Variants in METTL14 observed in about 807,000 individuals in gnomAD.
METTL14 encodes methyltransferase 14, N6-adenosine-methyltransferase non-catalytic subunit, also known as N(6)-adenosine-methyltransferase non-catalytic subunit METTL14.
METTL14 carries 32 observed loss-of-function variants against 62.4 expected under a neutral mutation model. The ratio of observed to expected loss-of-function variants is 0.51; its 90% confidence interval spans 0.39 to 0.69. The LOEUF (loss-of-function observed/expected upper bound fraction) is 0.69. METTL14 is among the 30% of genes least tolerant of loss of function. The pLI, the probability that METTL14 is intolerant of heterozygous loss-of-function variation, is 0.00. For synonymous variants in METTL14, 150 were observed against 180.0 expected, an observed-to-expected ratio of 0.83 and a Z score of 1.34; for missense variants, 340 against 551.9, an observed-to-expected ratio of 0.62 and a Z score of 3.85.
At chr4:118,688,069 T>G in intron 2 of METTL14, 58 bp downstream of exon 2, 1 of 1,307,142 alleles carries the variant, frequency 7.7e-7, no homozygotes, top group Middle Eastern at 2.0e-4. Flanking sequence ...CTCTGTTGCT[T>G]AGGCTGGATA....
Position 118,713,308 on chromosome 4 carries a change from G to C in METTL14, c.*3006G>C, listed in dbSNP as rs1463682001. The C allele has an allele frequency of 1.3e-5, 2 of 152,166 alleles. No individual in the cohort carries two copies. The highest frequency in any genetic ancestry group is 4.8e-5 in the African/African-American group (2 of 41,440). 9.4% of individuals were successfully genotyped at this position (152,166 alleles called of 1,614,324 possible). A position where few individuals can be genotyped will look rare whatever the true frequency, so the allele number is the denominator to read the frequency against. On this transcript the variant is annotated 3_prime_UTR_variant, in exon 11 of 11. Coordinates refer to ENST00000388822, the MANE Select transcript of METTL14 (RefSeq NM_020961.4). ...ATGGGATACTTGGGAGCTATATTGT[G>C]CATCAGGGTGTCACAGCTGCTACTA... is the stretch of plus-strand genomic sequence containing the variant.
chr4:118,690,035 CTTT>C (rs70941200), intron 3 of METTL14, among the ~76,000 whole-genome samples: 4 of 86,650 alleles, frequency 4.6e-5, no homozygotes, highest in African/African-American at 1.3e-4. Flanking sequence ...TAATAATATT[CTTT>C]TTTTTTTTTT....
chr4:118,692,068 G>A lies in METTL14; in HGVS notation c.412G>A (p.Gly138Ser). The A allele has an allele frequency of 6.3e-7, 1 of 1,592,016 alleles. No individual in the cohort carries two copies. Reference sequence around the variant, plus strand: ...ACCTCAGAATTTCATCAGGGATGTAGGTATGTCAGGTTTGTTTGGACTACG... The same window carrying A: ...ACCTCAGAATTTCATCAGGGATGTAAGTATGTCAGGTTTGTTTGGACTACG... ...HRPQNFIRDV[G>S]LADRFEEYPK... is the part of the protein sequence containing the mutation. Residue 138 changes from glycine (G) to serine (S), a missense_variant and splice_region_variant, in exon 5 of 11, where the codon GGT (glycine) becomes AGT (serine). Physicochemically the swap from Gly to Ser is moderately conservative, Grantham distance 56. This residue lies in a region of METTL14 where 16 missense variants were observed against 70.3 expected (regional missense o/e 0.23). Transcript: ENST00000388822.
chr4:118,702,938 T>TTTATTA (rs70944804), intron 8 of METTL14, among the ~76,000 whole-genome samples: 17,925 of 134,926 alleles, frequency 0.13, 1,574 homozygotes, highest in Admixed American at 0.28. Flanking sequence ...GTTGGAAGGT[T>TTTATTA]TTATTATTAT....
intron 10 of METTL14, among the ~76,000 whole-genome samples, 159 bp downstream of exon 10, chr4:118,705,980 G>T (rs1392761539): frequency 1.3e-5 from 2 of 152,136 alleles, no homozygotes; most frequent in African/African-American, 4.8e-5. Flanking sequence ...AAATTGAGAG[G>T]AAGGCACAGA....
rs1579079309 is a variant in METTL14, at chr4:118,710,432, A to G, written c.*130A>G. 2 of 903,782 alleles carry G rather than the reference A, an allele frequency of 2.2e-6. No individual in the cohort carries two copies. Among genetic ancestry groups the G allele is most frequent in the Non-Finnish European group, 3.3e-6 (2 of 608,162 alleles). 56.0% of individuals were successfully genotyped at this position (903,782 alleles called of 1,614,324 possible). A position where few individuals can be genotyped will look rare whatever the true frequency, so the allele number is the denominator to read the frequency against. The stretch of plus-strand genomic sequence containing the variant: ...GCTTTAATTTCTCTGAGCTGCAAGA[A>G]TGTCTTAGCGAGCCTTGCTTGCAGT... On this transcript the variant is annotated 3_prime_UTR_variant, in exon 11 of 11. Coordinates refer to ENST00000388822, the MANE Select transcript of METTL14 (RefSeq NM_020961.4).
At chr4:118,689,597 A>G in intron 3 of METTL14, 140 bp downstream of exon 3, 1 of 499,688 alleles carries the variant, frequency 2.0e-6, no homozygotes. Context: ...TGTTATCACC[A>G]GTTACATTAA....
intron 3 of METTL14, among the ~76,000 whole-genome samples, chr4:118,689,983 A>G (rs1431044208): frequency 1.4e-5 from 2 of 147,240 alleles, no homozygotes; most frequent in Non-Finnish European, 3.0e-5. Context: ...AAATGAGGTT[A>G]TATATATGAG....
At chr4:118,691,683 C>A in intron 4 of METTL14, 71 bp downstream of exon 4, 1 of 719,632 alleles carries the variant, frequency 1.4e-6, no homozygotes. Context: ...ATTTTAAATA[C>A]CTGTTTGTCT....
chr4:118,685,689 C>G (rs910607667), intron 1 of METTL14, 89 bp downstream of exon 1: 12 of 1,095,190 alleles, frequency 1.1e-5, no homozygotes, highest in African/African-American at 1.6e-5. Context: ...TTTTCTGTCC[C>G]TTCTCTACCT....
intron 6 of METTL14, among the ~76,000 whole-genome samples, chr4:118,696,727 A>G (rs1194476134): frequency 2.0e-5 from 3 of 152,184 alleles, no homozygotes; most frequent in Non-Finnish European, 4.4e-5. Context: ...AGAAAACTAT[A>G]TGAAAACTAT....
chr4:118,685,431 T>C lies in METTL14; in HGVS notation c.-104T>C. ...GAAAGCTATGAGGATACTCTGTTCGTAAGCTCCCGGTGAATTTTGTTCCAC... is the reference window on the plus strand; with the variant it reads ...GAAAGCTATGAGGATACTCTGTTCGCAAGCTCCCGGTGAATTTTGTTCCAC... On this transcript the variant is annotated 5_prime_UTR_variant, in exon 1 of 11. An upstream open reading frame in the 5' UTR loses its in-frame stop. Transcript: ENST00000388822. 1 of 1,174,912 alleles carries C rather than the reference T, an allele frequency of 8.5e-7. No homozygotes were observed. Among genetic ancestry groups the C allele is most frequent in the Middle Eastern group, 1.9e-4 (1 of 5,148 alleles). 72.8% of individuals were successfully genotyped at this position (1,174,912 alleles called of 1,614,324 possible).
At chr4:118,708,146 C>T (rs527908323) in intron 10 of METTL14, among the ~76,000 whole-genome samples, 1 of 152,224 alleles carries the variant, frequency 6.6e-6, no homozygotes, top group East Asian at 1.9e-4. Context: ...TAAACTTACT[C>T]TGTTCTTAGT....
At chr4:118,686,230 T>C (rs553991665) in intron 1 of METTL14, among the ~76,000 whole-genome samples, 4 of 152,358 alleles carry the variant, frequency 2.6e-5, no homozygotes, top group Admixed American at 2.6e-4. Flanking sequence ...TCCTGGTCGC[T>C]CACTTCTCTG....
chr4:118,690,262 A>G (rs577267698), intron 3 of METTL14, among the ~76,000 whole-genome samples: 5 of 136,694 alleles, frequency 3.7e-5, no homozygotes, highest in Admixed American at 2.2e-4. Context: ...CTCGTCTCGA[A>G]CTCCTGACCT....
chr4:118,701,173 G>GTT lies in METTL14; in HGVS notation c.738+539_738+540dup, dbSNP rs370557403. On this transcript the variant is annotated intron_variant, in intron 8 of 10. Coordinates refer to ENST00000388822, the MANE Select transcript of METTL14 (RefSeq NM_020961.4). ...TTTTTATTTTTATTTTTTTATTGGA[G>GTT]TTTTTTTTTGTTTTTTTTTGTTTTT... Among the ~76,000 whole-genome samples the GTT allele has an allele frequency of 2.1e-3, 236 of 114,026 alleles. 9 individuals carry two copies. Among genetic ancestry groups the GTT allele is most frequent in the African/African-American group, 6.1e-3 (207 of 34,096 alleles). The allele number at this position is 114,026 out of a possible 152,430, so 74.8% of individuals were successfully genotyped here. A position where few individuals can be genotyped will look rare whatever the true frequency, so the allele number is the denominator to read the frequency against.
At chr4:118,685,683 C>CTGT in intron 1 of METTL14, 83 bp downstream of exon 1, 1 of 1,194,602 alleles carries the variant, frequency 8.4e-7, no homozygotes, top group Non-Finnish European at 1.2e-6. Flanking sequence ...CCGCCTTTTT[C>CTGT]TGTCCCTTCT....
intron 1 of METTL14, among the ~76,000 whole-genome samples, chr4:118,686,313 G>A (rs908765574): frequency 1.3e-4 from 20 of 152,208 alleles, no homozygotes; most frequent in African/African-American, 4.3e-4. Context: ...TCTTTCTTGT[G>A]TATGAGTAAG....
At chr4:118,700,486 T>C (rs1724556179) in intron 7 of METTL14, 64 bp from the exon 8 acceptor site, 1 of 1,308,808 alleles carries the variant, frequency 7.6e-7, no homozygotes, top group Non-Finnish European at 1.1e-6. Flanking sequence ...ATTGTTGTTC[T>C]TTTGGATTTA....
Sources: gnomAD v4.1 joint callset for allele counts (sites outside exome capture counted in the v4.1 genomes callset) on GRCh38, gnomAD v4.1.1 for gene constraint, gnomAD v4.1.1 regional missense constraint, MANE v1.5 for transcripts, NCBI Gene and HGNC (gene_info 2026-07-23, HGNC 2026-07-21) for gene names.